The following ROR1 variants were observed in gnomAD, a reference collection of about 807,000 sequenced individuals.
The protein encoded by ROR1 is inactive tyrosine-protein kinase transmembrane receptor ROR1.
ROR1 carries 19 observed loss-of-function variants against 78.8 expected under a neutral mutation model. The observed-to-expected ratio is 0.24, with a 90% confidence interval of 0.17 to 0.35. The LOEUF (loss-of-function observed/expected upper bound fraction) is 0.35. Ranked by LOEUF, ROR1 falls within the 10% of genes least tolerant of loss-of-function variation. The pLI, the probability that ROR1 is intolerant of heterozygous loss-of-function variation, is 1.00. For missense variants in ROR1, 917 were observed against 1,177.8 expected (o/e 0.78, Z 3.24); for synonymous variants, 386 against 433.6 (o/e 0.89, Z 1.36).
intron 2 of ROR1, among the ~76,000 whole-genome samples, chr1:64,023,020 A>G (rs1028186398): frequency 6.6e-6 from 1 of 152,208 alleles, no homozygotes; most frequent in African/African-American, 2.4e-5. Flanking sequence ...TAATGCGATC[A>G]TCTATTGAAG....
chr1:63,966,791 A>C (rs1479845111), intron 1 of ROR1, among the ~76,000 whole-genome samples: 3 of 152,208 alleles, frequency 2.0e-5, no homozygotes, highest in Non-Finnish European at 2.9e-5. Context: ...CTGGCATTGC[A>C]TATGGTGAGG....
intron 1 of ROR1, among the ~76,000 whole-genome samples, chr1:64,005,591 C>T (rs1466649595): frequency 6.6e-6 from 1 of 152,136 alleles, no homozygotes; most frequent in Non-Finnish European, 1.5e-5. Flanking sequence ...AAACTTGTGG[C>T]CGTGTCTCTC....
chr1:64,005,727 G>A (rs74433265), intron 1 of ROR1, among the ~76,000 whole-genome samples: 1,993 of 152,214 alleles, frequency 0.013, 42 homozygotes, highest in African/African-American at 0.046. Flanking sequence ...TTTGTGAGGG[G>A]AGATTATTAA....
chr1:64,144,988 G>A (rs1207630084), intron 7 of ROR1, among the ~76,000 whole-genome samples: 2 of 151,980 alleles, frequency 1.3e-5, no homozygotes, highest in Non-Finnish European at 2.9e-5. Flanking sequence ...TATACACTTA[G>A]GATTTATTGT....
At chr1:64,160,873 G>A (rs12145160) in intron 8 of ROR1, among the ~76,000 whole-genome samples, 50,188 of 152,012 alleles carry the variant, frequency 0.33, 8,703 homozygotes, top group Middle Eastern at 0.42. Flanking sequence ...TACAGCAGAC[G>A]GCAGTTTGGT....
chr1:64,068,572 A>C (rs944737070), intron 4 of ROR1, among the ~76,000 whole-genome samples: 1 of 152,204 alleles, frequency 6.6e-6, no homozygotes, highest in Non-Finnish European at 1.5e-5. Flanking sequence ...GACTGTATCC[A>C]TGATACCTTA....
intron 7 of ROR1, among the ~76,000 whole-genome samples, chr1:64,153,537 C>T (rs754794033): frequency 2.6e-5 from 4 of 152,114 alleles, no homozygotes; most frequent in Non-Finnish European, 4.4e-5. Flanking sequence ...ATAAAGAAAA[C>T]ATGGTATATG....
chr1:63,875,275 C>T (rs1383311949), intron 1 of ROR1, among the ~76,000 whole-genome samples: 2 of 152,076 alleles, frequency 1.3e-5, no homozygotes, highest in African/African-American at 4.8e-5. Context: ...AATAAGCACT[C>T]TGTGTTAGCT....
At chr1:63,992,923 C>T (rs1400559143) in intron 1 of ROR1, among the ~76,000 whole-genome samples, 2 of 152,084 alleles carry the variant, frequency 1.3e-5, no homozygotes, top group African/African-American at 4.8e-5. Context: ...ATTTGTGAGC[C>T]ATTAGGGTAG....
intron 2 of ROR1, among the ~76,000 whole-genome samples, chr1:64,047,700 A>G (rs1646795286): frequency 6.6e-6 from 1 of 152,254 alleles, no homozygotes; most frequent in Non-Finnish European, 1.5e-5. Context: ...CTTTCTGGGC[A>G]TACCTCAAAC....
At chr1:64,115,284 T>G (rs886293548) in intron 4 of ROR1, among the ~76,000 whole-genome samples, 2 of 152,150 alleles carry the variant, frequency 1.3e-5, no homozygotes, top group African/African-American at 4.8e-5. Context: ...GGTGCAATCA[T>G]AGCTCACTGC....
At chr1:63,989,162 G>GTTTTTTTTTTTT (rs1287163623) in intron 1 of ROR1, among the ~76,000 whole-genome samples, 7 of 117,414 alleles carry the variant, frequency 6.0e-5, no homozygotes, top group South Asian at 2.8e-4. Context: ...GTCATTTTCT[G>GTTTTTTTTTTTT]TTTTTGTTTT....
intron 1 of ROR1, among the ~76,000 whole-genome samples, chr1:63,943,867 C>G (rs1223597427): frequency 6.6e-6 from 1 of 152,174 alleles, no homozygotes; most frequent in Non-Finnish European, 1.5e-5. Context: ...TAATACAGCT[C>G]AGACATAATC....
At chr1:63,780,126 C>T (rs1644641949) in intron 1 of ROR1, among the ~76,000 whole-genome samples, 3 of 152,038 alleles carry the variant, frequency 2.0e-5, no homozygotes, top group Admixed American at 2.0e-4. Flanking sequence ...TAATGTTTGG[C>T]CTCCTTACAT....
intron 2 of ROR1, among the ~76,000 whole-genome samples, chr1:64,016,526 TAG>T (rs1646521711): frequency 6.6e-6 from 1 of 152,076 alleles, no homozygotes; most frequent in Non-Finnish European, 1.5e-5. Flanking sequence ...TTATTTCTAT[TAG>T]ATAATGCTGC....
At position 63,913,327 on chromosome 1, in the gene ROR1, A is replaced by AT. The variant is rs1158283764; in HGVS notation, c.92-95972dup. Among the ~76,000 whole-genome samples, 5 of 152,172 alleles carry AT rather than the reference A, an allele frequency of 3.3e-5. No homozygotes were observed. In the South Asian group the frequency reaches 8.3e-4, roughly 25 times the overall value. On this transcript the variant is annotated intron_variant, in intron 1 of 8. Transcript: ENST00000371079. ...TGTATTTCTATAAATATATTTCTAT[A>AT]TTTTTTCTGGGAGAAAAATAAATCT...
intron 1 of ROR1, among the ~76,000 whole-genome samples, chr1:63,920,740 C>T (rs1463766634): frequency 6.6e-6 from 1 of 152,138 alleles, no homozygotes; most frequent in East Asian, 1.9e-4. Flanking sequence ...TTTTTTTATG[C>T]ATTACAAAGT....
chr1:63,797,857 CTT>C (rs57125292), intron 1 of ROR1, among the ~76,000 whole-genome samples: 15 of 140,018 alleles, frequency 1.1e-4, no homozygotes, highest in African/African-American at 3.6e-4. Context: ...GTAGTCTTGT[CTT>C]TTTTTTTTTT....
intron 1 of ROR1, among the ~76,000 whole-genome samples, chr1:63,948,298 A>G (rs1645906498): frequency 6.6e-6 from 1 of 152,164 alleles, no homozygotes; most frequent in Admixed American, 6.5e-5. Context: ...AGTTCTGAAT[A>G]AATAAATATA....
Sources: allele counts gnomAD v4.1 joint callset (sites outside exome capture counted in the v4.1 genomes callset), GRCh38; gene constraint gnomAD v4.1.1; transcripts MANE v1.5; gene names NCBI Gene and HGNC (gene_info 2026-07-23, HGNC 2026-07-21).